MICAL1: variants seen among roughly 807,000 people sequenced by gnomAD.
MICAL1 encodes the protein [F-actin]-monooxygenase MICAL1.
A neutral mutation model predicts 131.8 loss-of-function variants in MICAL1; 95 were observed. The observed-to-expected ratio is 0.72, with a 90% confidence interval of 0.61 to 0.86. MICAL1 has a LOEUF of 0.86. Among genes scored for constraint, MICAL1 ranks in the 40% least tolerant of loss-of-function variants. The pLI, the probability that MICAL1 is intolerant of heterozygous loss-of-function variation, is 0.00. For missense variants in MICAL1, 1,292 were observed against 1,380.6 expected (o/e 0.94, Z 1.02); for synonymous variants, 546 against 554.2 (o/e 0.99, Z 0.21).
upstream of MICAL1, chr6:109,455,881 T>C (rs917178393): frequency 2.5e-4 from 246 of 985,334 alleles, no homozygotes; most frequent in Non-Finnish European, 2.9e-4. This position sits in a 1 kb window ranked among gnomAD's most constrained non-coding sequence, Gnocchi z 4.7. Flanking sequence ...GCGCGGAGTG[T>C]GGGCTTCCGC....
At chr6:109,464,036 C>T (rs571977497) in intron 1 of MICAL1, 47 of 152,220 alleles carry the variant, frequency 3.1e-4, no homozygotes, top group African/African-American at 1.1e-3. Context: ...ATTTAATTTC[C>T]TGGAGAAAAT....
In MICAL1 at chr6:109,454,163, CAT is replaced by C; in HGVS notation, c.32_33del (p.His11ArgfsTer4). 3 of 1,609,442 alleles carry C rather than the reference CAT, an allele frequency of 1.9e-6. No homozygotes were observed. Among genetic ancestry groups the C allele is most frequent in the Non-Finnish European group, 2.5e-6 (3 of 1,178,214 alleles). ...GCCTGCAGGAAGCTCTCAAAGTGGG[CAT>C]GCGCTGGGTTGGTGGAGGTAGGTGA... Reference protein sequence around the residue: MASPTSTNPAHAHFESFLQAQ... With the variant: MASPTSTNPAXAHFESFLQAQ... On this transcript the variant is annotated frameshift_variant, in exon 2 of 25. Transcript: ENST00000358807. LOFTEE classifies it high-confidence loss of function.
upstream of MICAL1, among the ~76,000 whole-genome samples, chr6:109,456,248 C>G (rs750336345): frequency 1.3e-5 from 2 of 152,192 alleles, no homozygotes; most frequent in African/African-American, 4.8e-5. Context: ...AGCGCCGGGC[C>G]GAGAGGGCGC....
intron 1 of MICAL1, chr6:109,462,586 T>A (rs760629279): frequency 1.3e-5 from 2 of 152,244 alleles, no homozygotes; most frequent in Non-Finnish European, 2.9e-5. Context: ...GCATTTATAA[T>A]GAGAATCTTT....
In MICAL1 at chr6:109,448,367, C is replaced by T; in HGVS notation, c.1691G>A (p.Gly564Glu). The change falls in exon 13 of 25, where the codon GGA becomes GAA. Residue 564 changes from glycine to glutamate, a missense_variant. Transcript: ENST00000358807. ...TGCCCAAGCAGTTGCTTCCAGAGCTCCCAGCCCCTGCAGCTCTGAGGGTTC... is the reference window on the plus strand; with the variant it reads ...TGCCCAAGCAGTTGCTTCCAGAGCTTCCAGCCCCTGCAGCTCTGAGGGTTC... ...LLEPSELQGL[G>E]ALEATAWALK... is the part of the protein sequence containing the mutation. 1 of 1,613,816 alleles carries T rather than the reference C, an allele frequency of 6.2e-7. No individual in the cohort carries two copies. Among genetic ancestry groups the T allele is most frequent in the Non-Finnish European group, 8.5e-7 (1 of 1,180,006 alleles).
At chr6:109,455,859 G>A (rs904692510), upstream of MICAL1, 1 of 985,522 alleles carries the variant, frequency 1.0e-6, no homozygotes, top group African/African-American at 1.7e-5. This position sits in a 1 kb window ranked among gnomAD's most constrained non-coding sequence, Gnocchi z 4.7. Flanking sequence ...CCCGGGGCGT[G>A]CGCCTGGAGT....
In MICAL1 at chr6:109,450,342, G is replaced by T; in HGVS notation, c.1149C>A (p.Gly383=). 1 of 1,610,210 alleles carries T rather than the reference G, an allele frequency of 6.2e-7. No individual in the cohort carries two copies. Among genetic ancestry groups the T allele is most frequent in the Non-Finnish European group, 8.5e-7 (1 of 1,177,318 alleles). The change falls in exon 8 of 25, where the codon GGC becomes GGA. Residue 383 remains glycine (G), a synonymous_variant. Transcript: ENST00000358807. The stretch of plus-strand genomic sequence containing the variant: ...CCACCAGTCCCAGCAGCAGGCGGGC[G>T]CCATGCTTCTCTTGCACACGAGCAG... The part of the protein sequence containing the change: ...ESSARVQEKH[G]ARLLLGLVGD...
Position 109,447,923 on chromosome 6 carries a change from T to C in MICAL1, c.1896A>G (p.Val632=), listed in dbSNP as rs1351247700. The change falls in exon 14 of 25, where the codon GTA becomes GTG. Residue 632 remains valine (V), a synonymous_variant. Transcript: ENST00000358807. The part of the protein sequence containing the change: ...SQASPGTSSA[V]LFLSKLQRTL... The stretch of plus-strand genomic sequence containing the variant: ...TCCTCTGAAGTTTACTAAGGAATAA[T>C]ACAGCACTGGAGGTCCCTGGGGAGG... The C allele has an allele frequency of 6.2e-7, 1 of 1,613,154 alleles. No homozygotes were observed. Among genetic ancestry groups the C allele is most frequent in the Admixed American group, 1.7e-5 (1 of 59,946 alleles).
intron 6 of MICAL1, 33 bp downstream of exon 6, chr6:109,452,213 G>A (rs377726815): frequency 9.4e-6 from 15 of 1,593,654 alleles, no homozygotes; most frequent in African/African-American, 1.3e-5. Context: ...AGTCAGGCAG[G>A]GGGAGGGGAA....
intron 7 of MICAL1, 39 bp from the exon 8 acceptor site, chr6:109,450,596 G>A: frequency 1.3e-6 from 2 of 1,571,924 alleles, no homozygotes; most frequent in Non-Finnish European, 8.7e-7. Context: ...AGACCTCTGA[G>A]AGCAGGGTCA....
upstream of MICAL1, chr6:109,456,057 C>T: frequency 2.0e-6 from 2 of 983,180 alleles, no homozygotes; most frequent in South Asian, 4.8e-5. Flanking sequence ...TCTGGGGCCT[C>T]TGGGTGGGTC....
chr6:109,444,347 G>A lies in MICAL1; in HGVS notation c.3056-8C>T. The A allele has an allele frequency of 1.9e-6, 3 of 1,613,348 alleles. No individual in the cohort carries two copies. The highest frequency in any genetic ancestry group is 1.6e-4 in the Middle Eastern group (1 of 6,062). On this transcript the variant is annotated splice_region_variant and splice_polypyrimidine_tract_variant and intron_variant, in intron 24 of 24. Transcript: ENST00000358807. ...CAGCTGTCTTTAGGTTTTCTAAAAG[G>A]AGGAGACAAAGCTTAGAGAACAGGG...
chr6:109,453,139 G>A lies in MICAL1; in HGVS notation c.571+124C>T, dbSNP rs572127844. The A allele has an allele frequency of 1.4e-5, 10 of 723,460 alleles. No homozygotes were observed. In the African/African-American group the frequency reaches 1.8e-4, roughly 13 times the overall value. The allele number at this position is 723,460 out of a possible 1,614,324, so 44.8% of individuals were successfully genotyped here. On this transcript the variant is annotated intron_variant, in intron 4 of 24. Coordinates refer to ENST00000358807, the MANE Select transcript of MICAL1 (RefSeq NM_022765.4). ...CATGCCACTGCACTCCAGCCTGGGT[G>A]ACAGAACGAGACTCTGTCTCAAAAC...
intron 7 of MICAL1, among the ~76,000 whole-genome samples, chr6:109,450,979 C>G (rs774455935): frequency 2.6e-5 from 4 of 152,006 alleles, no homozygotes; most frequent in Non-Finnish European, 5.9e-5. Flanking sequence ...AAATACATAC[C>G]GAGCGCTTAC....
In MICAL1 at chr6:109,449,421, C is replaced by G. The variant is rs779738647; in HGVS notation, c.1495G>C (p.Asp499His). ...EPVQRNNDKT[D>H]TGMPATGSAG... ...TCACCGGTGGCTGGCATCCCTGTAT[C>G]TGTCTTGTCGTTGTTCCTCTGCACA... Residue 499 changes from aspartate (D) to histidine (H), a missense_variant, in exon 11 of 25, where the codon GAT (aspartate) becomes CAT (histidine). Coordinates refer to ENST00000358807, the MANE Select transcript of MICAL1 (RefSeq NM_022765.4). 3.1e-6 allele frequency: 5 copies of G among 1,614,214 alleles called. No homozygotes were observed. The South Asian group carries it at 5.5e-5, about 18-fold the overall frequency.
chr6:109,456,080 G>A, upstream of MICAL1: 1 of 957,796 alleles, frequency 1.0e-6, no homozygotes, highest in Non-Finnish European at 1.2e-6. Flanking sequence ...GCCTGTTGGG[G>A]GCTGAGGAGC....
chr6:109,447,899 CCT>C lies in MICAL1; in HGVS notation c.1918_1919del (p.Arg640AspfsTer31). ...CCTTGGCCCGGGATCGCTGCAGGGT[CCT>C]CTGAAGTTTACTAAGGAATAATACA... ...SAVLFLSKLQ[R>X]TLQRSRAKEN... is the part of the protein sequence containing the mutation. On this transcript the variant is annotated frameshift_variant, in exon 14 of 25. Transcript: ENST00000358807. LOFTEE classifies it high-confidence loss of function. The C allele has an allele frequency of 6.2e-7, 1 of 1,613,414 alleles. No homozygotes were observed. The highest frequency in any genetic ancestry group is 8.5e-7 in the Non-Finnish European group (1 of 1,179,668).
upstream of MICAL1, among the ~76,000 whole-genome samples, chr6:109,457,884 G>C (rs1283397392): frequency 6.6e-6 from 1 of 152,224 alleles, no homozygotes; most frequent in African/African-American, 2.4e-5. Flanking sequence ...TAAAGCAGCA[G>C]GGAATACATT....
At position 109,448,330 on chromosome 6, in the gene MICAL1, T is replaced by G; in HGVS notation, c.1728A>C (p.Ala576=). 1 of 1,614,046 alleles carries G rather than the reference T, an allele frequency of 6.2e-7. No homozygotes were observed. The highest frequency in any genetic ancestry group is 1.1e-5 in the South Asian group (1 of 91,086). Residue 576 remains alanine (A), a synonymous_variant, in exon 13 of 25, where the codon GCA becomes GCC. Transcript: ENST00000358807. ...CCGGTGTGATGCCCAGCTCATTCTC[T>G]GCCACCTTTAGTGCCCAAGCAGTTG... ...LEATAWALKV[A]ENELGITPVV...
Sources: allele counts gnomAD v4.1 joint callset (sites outside exome capture counted in the v4.1 genomes callset), GRCh38; gene constraint gnomAD v4.1.1; non-coding constraint Gnocchi (gnomAD v3.1); transcripts MANE v1.5; gene names NCBI Gene and HGNC (gene_info 2026-07-23, HGNC 2026-07-21).